ANKMY2: variants seen among roughly 807,000 people sequenced by gnomAD.
ANKMY2 encodes ankyrin repeat and MYND domain-containing protein 2.
Under a neutral mutation model 50.4 loss-of-function variants are expected in ANKMY2, and 36 were observed. The ratio of observed to expected loss-of-function variants is 0.71; its 90% CI spans 0.55 to 0.94. The LOEUF is 0.94. Ranked by LOEUF, ANKMY2 falls within the 40% of genes least tolerant of loss-of-function variation. The pLI is 0.00. For synonymous variants in ANKMY2, 187 were observed against 178.8 expected, an observed-to-expected ratio of 1.05 and a Z score of -0.36; for missense variants, 565 against 524.0, an observed-to-expected ratio of 1.08 and a Z score of -0.76.
At chr7:16,627,237 G>A in intron 2 of ANKMY2, 59 bp from the exon 3 acceptor site, 1 of 1,145,708 alleles carries the variant, frequency 8.7e-7, no homozygotes, top group African/African-American at 1.6e-5. Context: ...CTGTACCTAT[G>A]AACAATTTCT....
At chr7:16,617,045 T>C (rs540381950) in intron 4 of ANKMY2, among the ~76,000 whole-genome samples, 12 of 152,172 alleles carry the variant, frequency 7.9e-5, no homozygotes, top group African/African-American at 2.6e-4. Flanking sequence ...CTCAATTAAA[T>C]GGTTGAATAC....
chr7:16,630,510 T>C (rs1781568144), intron 2 of ANKMY2, among the ~76,000 whole-genome samples: 1 of 152,184 alleles, frequency 6.6e-6, no homozygotes, highest in Non-Finnish European at 1.5e-5. Flanking sequence ...AATTCTTAAG[T>C]CAAAGAATCA....
intron 2 of ANKMY2, among the ~76,000 whole-genome samples, chr7:16,633,923 G>A (rs940716307): frequency 6.6e-6 from 1 of 151,896 alleles, no homozygotes; most frequent in African/African-American, 2.4e-5. Flanking sequence ...TATAAGAAAA[G>A]GCTTAAGGCT....
rs143604232 is a variant in ANKMY2 at position 16,619,568 on chromosome 7, T to G, written c.371-3664A>C. 5.3e-3 allele frequency among the ~76,000 whole-genome samples: 803 copies of G among 152,342 alleles called. 23 individuals carry two copies. Among genetic ancestry groups the G allele is most frequent in the Admixed American group, 0.046 (701 of 15,298 alleles). On this transcript the variant is annotated intron_variant, in intron 4 of 9. Transcript: ENST00000306999. ...TATTTTATTTTAATTAATCTGCTAATAACATATTTGAATAATATGTTTAAA... is the reference window on the plus strand; with the variant it reads ...TATTTTATTTTAATTAATCTGCTAAGAACATATTTGAATAATATGTTTAAA...
chr7:16,615,964 T>C (rs1234353834), intron 4 of ANKMY2, 60 bp from the exon 5 acceptor site: 2 of 1,465,070 alleles, frequency 1.4e-6, no homozygotes, highest in East Asian at 2.4e-5. Context: ...CATCTGGTTT[T>C]TAAAATTAAT....
Position 16,625,139 on chromosome 7 carries a change from C to A in ANKMY2, c.272-58G>T, listed in dbSNP as rs1174473509. 10 of 1,338,282 alleles carry A rather than the reference C, an allele frequency of 7.5e-6. No homozygotes were observed. In the East Asian group the frequency reaches 2.3e-4, roughly 31 times the overall value. The allele number at this position is 1,338,282 out of a possible 1,614,324, so 82.9% of individuals were successfully genotyped here. A position where few individuals can be genotyped will look rare whatever the true frequency, so the allele number is the denominator to read the frequency against. On this transcript the variant is annotated intron_variant, in intron 3 of 9. Coordinates refer to ENST00000306999, the MANE Select transcript of ANKMY2 (RefSeq NM_020319.3). ...TTAAGGAGGACACAATTTAAACATC[C>A]CTTTCTAAACTCTCTATACCCTTTA...
chr7:16,613,795 G>C (rs1287992110), intron 5 of ANKMY2, among the ~76,000 whole-genome samples: 1 of 151,830 alleles, frequency 6.6e-6, no homozygotes, highest in Non-Finnish European at 1.5e-5. Flanking sequence ...AATTAGCCAG[G>C]CGTGGTGGTG....
At chr7:16,606,846 G>C (rs1018717516) in intron 7 of ANKMY2, among the ~76,000 whole-genome samples, 5 of 152,204 alleles carry the variant, frequency 3.3e-5, no homozygotes, top group African/African-American at 1.2e-4. Context: ...GACTGGGTCT[G>C]CTTTCACATG....
chr7:16,635,770 T>C (rs1781650963), intron 2 of ANKMY2, among the ~76,000 whole-genome samples: 1 of 152,172 alleles, frequency 6.6e-6, no homozygotes, highest in Non-Finnish European at 1.5e-5. Flanking sequence ...TTGATACATA[T>C]TCCAAAATTT....
chr7:16,633,166 A>G (rs1423146266), intron 2 of ANKMY2, among the ~76,000 whole-genome samples: 7 of 150,000 alleles, frequency 4.7e-5, no homozygotes. Flanking sequence ...TATCAGATAT[A>G]ATTTATAAAA....
intron 3 of ANKMY2, among the ~76,000 whole-genome samples, chr7:16,626,045 G>A (rs1164267817): frequency 1.4e-5 from 2 of 140,348 alleles, no homozygotes; most frequent in African/African-American, 5.4e-5. Flanking sequence ...TCAGGGGCAC[G>A]ATCTCAGCTC....
At chr7:16,622,883 T>C (rs1450434095) in intron 4 of ANKMY2, among the ~76,000 whole-genome samples, 1 of 152,210 alleles carries the variant, frequency 6.6e-6, no homozygotes, top group African/African-American at 2.4e-5. Flanking sequence ...ATTCAAGTAC[T>C]AACTTGTAAA....
chr7:16,627,638 A>G (rs1769345697), intron 2 of ANKMY2, among the ~76,000 whole-genome samples: 1 of 152,252 alleles, frequency 6.6e-6, no homozygotes, highest in African/African-American at 2.4e-5. Flanking sequence ...ATCTGTATCT[A>G]CTGAACTGGA....
At chr7:16,624,485 T>A (rs1562774615) in intron 4 of ANKMY2, among the ~76,000 whole-genome samples, 1 of 152,252 alleles carries the variant, frequency 6.6e-6, no homozygotes, top group Non-Finnish European at 1.5e-5. Flanking sequence ...TATGTCATTG[T>A]TGTAATAATT....
At chr7:16,613,754 G>A (rs1217909304) in intron 5 of ANKMY2, among the ~76,000 whole-genome samples, 1 of 151,754 alleles carries the variant, frequency 6.6e-6, no homozygotes, top group African/African-American at 2.4e-5. Context: ...TGGCCAACAT[G>A]GAGAAACCCC....
At chr7:16,631,368 T>C (rs769580563) in intron 2 of ANKMY2, among the ~76,000 whole-genome samples, 8 of 152,198 alleles carry the variant, frequency 5.3e-5, no homozygotes, top group Admixed American at 1.3e-4. Context: ...GGGTCCATAG[T>C]TTTGTGAAAC....
At chr7:16,615,721 A>T (rs774369202) in intron 5 of ANKMY2, 23 bp downstream of exon 5, 1 of 1,613,758 alleles carries the variant, frequency 6.2e-7, no homozygotes, top group East Asian at 2.2e-5. Flanking sequence ...CATAAAAAGC[A>T]AATACGGTAG....
At chr7:16,601,688 C>T (rs1006689277) in intron 9 of ANKMY2, among the ~76,000 whole-genome samples, 7 of 152,188 alleles carry the variant, frequency 4.6e-5, no homozygotes, top group Admixed American at 2.0e-4. Context: ...TCAGAATAAC[C>T]GAGGCATCTT....
At chr7:16,606,972 A>T (rs1325476277) in intron 7 of ANKMY2, among the ~76,000 whole-genome samples, 2 of 152,178 alleles carry the variant, frequency 1.3e-5, no homozygotes, top group African/African-American at 2.4e-5. Context: ...GCACTGTCAG[A>T]AAACAACACA....
Sources: allele counts gnomAD v4.1 joint callset (sites outside exome capture counted in the v4.1 genomes callset), GRCh38; gene constraint gnomAD v4.1.1; transcripts MANE v1.5; gene names NCBI Gene and HGNC (gene_info 2026-07-23, HGNC 2026-07-21).